Variants in PROX1 observed in about 807,000 individuals in gnomAD.
The protein encoded by PROX1 is prospero homeobox protein 1.
Under a neutral mutation model 58.8 loss-of-function variants are expected in PROX1, and 7 were observed. That is an observed-to-expected ratio of 0.12 (90% confidence interval 0.07 to 0.22). The LOEUF is 0.22. Among genes scored for constraint, PROX1 ranks in the 10% least tolerant of loss-of-function variants. The probability of loss-of-function intolerance (pLI) is 1.00; values close to 1 mark genes in which losing one functional copy is unlikely to be tolerated. For missense variants in PROX1, 675 were observed against 927.8 expected (o/e 0.73, Z 3.54); for synonymous variants, 350 against 358.3 (o/e 0.98, Z 0.26).
In PROX1 at chr1:213,997,422, A is replaced by G. The variant is rs748843408; in HGVS notation, c.887A>G (p.Asp296Gly). The G allele has an allele frequency of 1.9e-6, 3 of 1,614,124 alleles. No individual in the cohort carries two copies. The highest frequency in any genetic ancestry group is 2.2e-5 in the South Asian group (2 of 91,074). ...GCCCAGGACTCTGTCGGAAGGTCAG[A>G]TAATGAGATGTGCGAGCTAGACCCA... ...ARAQDSVGRS[D>G]NEMCELDPGQ... The change falls in exon 2 of 5, where the codon GAT becomes GGT. Residue 296 changes from aspartate to glycine, a missense_variant. By Grantham distance (94) the Asp-to-Gly change is moderately conservative. Transcript: ENST00000366958. This position sits in a 1 kb window ranked among gnomAD's most constrained non-coding sequence, Gnocchi z 7.1.
chr1:214,013,914 G>C (rs528988200), intron 4 of PROX1, among the ~76,000 whole-genome samples: 1 of 152,284 alleles, frequency 6.6e-6, no homozygotes, highest in East Asian at 1.9e-4. Flanking sequence ...TCAGTGAAAA[G>C]AAGGGAAGAA....
upstream of PROX1, chr1:213,983,350 G>A (rs908816096): frequency 3.3e-5 from 5 of 152,410 alleles, no homozygotes; most frequent in Non-Finnish European, 5.9e-5. Context: ...GGAGGGACAG[G>A]GCCTCTTGGG....
intron 4 of PROX1, among the ~76,000 whole-genome samples, chr1:214,026,569 C>T (rs1235199093): frequency 1.3e-5 from 2 of 152,250 alleles, no homozygotes; most frequent in Admixed American, 6.5e-5. Context: ...CACAATTATT[C>T]GAAATGCTCA....
intron 4 of PROX1, among the ~76,000 whole-genome samples, chr1:214,021,420 A>G (rs1431206888): frequency 6.6e-6 from 1 of 151,994 alleles, no homozygotes; most frequent in African/African-American, 2.4e-5. Context: ...TTCCTTTCTG[A>G]TTTTACAGAC....
At chr1:213,992,929 T>G (rs563131471) in intron 1 of PROX1, among the ~76,000 whole-genome samples, 1 of 152,314 alleles carries the variant, frequency 6.6e-6, no homozygotes, top group East Asian at 1.9e-4. Flanking sequence ...AAGTCATCAG[T>G]TTCCTTAGAA....
intron 4 of PROX1, among the ~76,000 whole-genome samples, chr1:214,031,072 C>T (rs546480700): frequency 1.2e-4 from 18 of 146,888 alleles, no homozygotes; most frequent in South Asian, 8.4e-4. Flanking sequence ...TGTGTGCGCG[C>T]GCGCGCATTC....
At chr1:213,987,566 A>G (rs959872731), upstream of PROX1, 1 of 149,792 alleles carries the variant, frequency 6.7e-6, no homozygotes, top group Non-Finnish European at 1.5e-5. Context: ...AAAAAGAAAA[A>G]AAAAAAAAAA....
intron 4 of PROX1, among the ~76,000 whole-genome samples, chr1:214,016,420 T>G (rs1481879643): frequency 2.0e-5 from 3 of 152,322 alleles, no homozygotes; most frequent in Middle Eastern, 3.4e-3. Context: ...AAATAGATCC[T>G]TAAATATGAG....
chr1:214,024,418 A>T (rs1222592348), intron 4 of PROX1, among the ~76,000 whole-genome samples: 1 of 152,174 alleles, frequency 6.6e-6, no homozygotes, highest in Non-Finnish European at 1.5e-5. Context: ...CCTTTCCTAA[A>T]GCAACTCGGA....
At chr1:214,016,265 C>A (rs1664091133) in intron 4 of PROX1, among the ~76,000 whole-genome samples, 1 of 152,142 alleles carries the variant, frequency 6.6e-6, no homozygotes, top group South Asian at 2.1e-4. Flanking sequence ...CTACCCCATA[C>A]CTACCCTTTT....
chr1:214,011,458 C>T, intron 3 of PROX1, 63 bp from the exon 4 acceptor site: 2 of 1,447,964 alleles, frequency 1.4e-6, no homozygotes, highest in Non-Finnish European at 1.9e-6. Context: ...GCTTCAGACA[C>T]TTAAAAAAAT....
At chr1:214,005,440 G>A (rs942519551) in intron 3 of PROX1, among the ~76,000 whole-genome samples, 168 bp downstream of exon 3, 1 of 152,182 alleles carries the variant, frequency 6.6e-6, no homozygotes, top group African/African-American at 2.4e-5. Flanking sequence ...AAGCAAAGAT[G>A]CCACTTGTGT....
intron 4 of PROX1, among the ~76,000 whole-genome samples, chr1:214,013,450 G>A (rs1451836797): frequency 6.6e-6 from 1 of 152,140 alleles, no homozygotes; most frequent in African/African-American, 2.4e-5. Context: ...GATGACATAA[G>A]TATCTGTTTG....
chr1:214,025,581 C>T (rs1213808583), intron 4 of PROX1, among the ~76,000 whole-genome samples: 4 of 152,094 alleles, frequency 2.6e-5, no homozygotes, highest in Admixed American at 6.5e-5. Context: ...TGCTGACCAC[C>T]GGCTGAAGGT....
intron 2 of PROX1, among the ~76,000 whole-genome samples, chr1:214,004,155 A>G (rs925744912): frequency 6.6e-6 from 1 of 152,260 alleles, no homozygotes; most frequent in African/African-American, 2.4e-5. Flanking sequence ...TTATAAAGCC[A>G]TTAATTTGCT....
chr1:214,020,942 G>C (rs1281140553), intron 4 of PROX1, among the ~76,000 whole-genome samples: 1 of 152,210 alleles, frequency 6.6e-6, no homozygotes, highest in Non-Finnish European at 1.5e-5. Context: ...ACATTGTACC[G>C]GGTTGCTGAG....
intron 1 of PROX1, among the ~76,000 whole-genome samples, chr1:213,995,985 T>A (rs1311089976): frequency 6.6e-6 from 1 of 152,220 alleles, no homozygotes; most frequent in South Asian, 2.1e-4. Context: ...TTAGAGTCCT[T>A]TTCCTTTAAT....
intron 4 of PROX1, among the ~76,000 whole-genome samples, chr1:214,025,366 G>A (rs181982446): frequency 9.2e-5 from 14 of 152,368 alleles, no homozygotes; most frequent in Non-Finnish European, 1.6e-4. Flanking sequence ...TAGAAAAGCT[G>A]TTAGCCCTCA....
At chr1:213,989,372 G>A (rs904482845) in intron 1 of PROX1, among the ~76,000 whole-genome samples, 7 of 152,046 alleles carry the variant, frequency 4.6e-5, no homozygotes, top group African/African-American at 1.4e-4. Context: ...CCAGCACGAG[G>A]AGGACCGGAG....
Sources: allele counts gnomAD v4.1 joint callset (sites outside exome capture counted in the v4.1 genomes callset), GRCh38; gene constraint gnomAD v4.1.1; non-coding constraint Gnocchi (gnomAD v3.1); transcripts MANE v1.5; gene names NCBI Gene and HGNC (gene_info 2026-07-23, HGNC 2026-07-21).